The following KANTR variants were observed in gnomAD, a reference collection of about 807,000 sequenced individuals.
KANTR encodes KDM5C adjacent transcript.
downstream of KANTR, among the ~76,000 whole-genome samples, chrX:53,131,620 C>T (rs1933361953): frequency 8.9e-6 from 1 of 112,001 alleles, no homozygotes; most frequent in Non-Finnish European, 1.9e-5. Flanking sequence ...TAGAAGGGAA[C>T]TTCTTCAACC....
chrX:53,145,038 C>T (rs782171916), downstream of KANTR, among the ~76,000 whole-genome samples: 3 of 110,942 alleles, frequency 2.7e-5, no homozygotes, highest in South Asian at 7.7e-4. Context: ...CCAAGATGGC[C>T]GAATAGGAAC....
exon 3 of KANTR, chrX:53,124,436 C>T (rs1556815953): frequency 1.0e-5 from 3 of 294,626 alleles, no homozygotes; most frequent in Non-Finnish European, 1.8e-5. Context: ...TCTTTAATTT[C>T]TGCTCTTATC....
intron 2 of KANTR, among the ~76,000 whole-genome samples, chrX:53,132,881 T>G (rs1332103124): frequency 2.7e-5 from 3 of 111,815 alleles, no homozygotes; most frequent in African/African-American, 9.8e-5. Context: ...CTTCAACACG[T>G]AGCACTGAGT....
At chrX:53,101,720 G>A (rs1404144640) in intron 2 of KANTR, among the ~76,000 whole-genome samples, 1 of 111,542 alleles carries the variant, frequency 9.0e-6, no homozygotes, top group Non-Finnish European at 1.9e-5. Flanking sequence ...GATCTAGGCG[G>A]GGTGCGGTAG....
chrX:53,111,388 T>A (rs1483222596), intron 2 of KANTR, among the ~76,000 whole-genome samples: 1 of 111,403 alleles, frequency 9.0e-6, no homozygotes, highest in Non-Finnish European at 1.9e-5. Context: ...TAAAAAACTC[T>A]ACACTTTGGC....
At chrX:53,098,997 C>A (rs1932867913) in intron 1 of KANTR, among the ~76,000 whole-genome samples, 1 of 111,137 alleles carries the variant, frequency 9.0e-6, no homozygotes, top group East Asian at 2.9e-4. Flanking sequence ...GTAGCTGGGA[C>A]CACAGGCATG....
downstream of KANTR, among the ~76,000 whole-genome samples, chrX:53,131,251 T>A (rs1369072429): frequency 9.0e-6 from 1 of 111,332 alleles, no homozygotes; most frequent in East Asian, 2.8e-4. Context: ...AGACACAGTC[T>A]AGAGGATATG....
rs34127394 is a variant in KANTR at position 53,142,316 on chromosome X, G to GTTT, written n.687_689dup. On this transcript the variant is annotated non_coding_transcript_exon_variant, in exon 3 of 3. Coordinates refer to the KANTR transcript ENST00000366185. ...GCTTCAAGGACAACTTTCTGTGTATGTTTTTTTTTTTTTTTTTGAGACGTA... is the reference window on the plus strand; with the variant it reads ...GCTTCAAGGACAACTTTCTGTGTATGTTTTTTTTTTTTTTTTTTTTGAGACGTA... 65 of 95,062 alleles carry GTTT rather than the reference G, an allele frequency of 6.8e-4. 6 individuals are homozygous for GTTT. The highest frequency in any genetic ancestry group is 9.9e-4 in the South Asian group (2 of 2,013). The allele number at this position is 95,062 out of a possible 1,213,427, so 7.8% of individuals were successfully genotyped here. A position where few individuals can be genotyped will look rare whatever the true frequency, so the allele number is the denominator to read the frequency against.
intron 2 of KANTR, among the ~76,000 whole-genome samples, chrX:53,108,295 G>A (rs1473343811): frequency 9.2e-5 from 10 of 108,761 alleles, no homozygotes; most frequent in Admixed American, 4.0e-4. Context: ...TCCACCTCCC[G>A]GGTTCAAGCA....
At chrX:53,106,503 A>G (rs900272835) in intron 2 of KANTR, among the ~76,000 whole-genome samples, 3 of 109,586 alleles carry the variant, frequency 2.7e-5, no homozygotes, top group Non-Finnish European at 5.7e-5. Flanking sequence ...CTTAGGCTCA[A>G]GTGATCCCCC....
intron 2 of KANTR, among the ~76,000 whole-genome samples, chrX:53,109,685 G>A (rs1193993310): frequency 1.8e-5 from 2 of 111,571 alleles, no homozygotes; most frequent in Admixed American, 9.5e-5. Flanking sequence ...AAGTGCTACT[G>A]ATTTTTGTAT....
downstream of KANTR, among the ~76,000 whole-genome samples, chrX:53,129,065 CTTTTT>C (rs10550250): frequency 1.8e-5 from 1 of 55,490 alleles, no homozygotes. Flanking sequence ...TCTTCTTCTT[CTTTTT>C]TTTTTTTTTT....
In KANTR at chrX:53,136,971, C is replaced by T. The variant is rs1190543924; in HGVS notation, n.204-4877C>T. ...CCCAGGCTGGTCTCAAACTCCTGGGCTCCAGCAATCCTCCTGCTTCAGCCT... is the reference window on the plus strand; with the variant it reads ...CCCAGGCTGGTCTCAAACTCCTGGGTTCCAGCAATCCTCCTGCTTCAGCCT... On this transcript the variant is annotated intron_variant and non_coding_transcript_variant, in intron 2 of 2. Coordinates refer to the KANTR transcript ENST00000366185. Among the ~76,000 whole-genome samples the T allele has an allele frequency of 1.3e-4, 14 of 106,272 alleles. No individual in the cohort carries two copies. In the Admixed American group the frequency reaches 1.5e-3, roughly 11 times the overall value. 92.3% of individuals were successfully genotyped at this position (106,272 alleles called of 115,157 possible).
chrX:53,103,194 T>C (rs1443049995), intron 2 of KANTR, among the ~76,000 whole-genome samples: 1 of 110,265 alleles, frequency 9.1e-6, no homozygotes, highest in Non-Finnish European at 1.9e-5. Context: ...CAGGCTGGTC[T>C]CGAACTCCTG....
exon 2 of KANTR, chrX:53,099,598 C>G (rs1354929116): frequency 8.9e-6 from 1 of 111,885 alleles, no homozygotes; most frequent in African/African-American, 3.3e-5. Flanking sequence ...TTCTTAATGG[C>G]ATCTAGAATG....
chrX:53,101,107 C>A (rs1556811774), intron 2 of KANTR, among the ~76,000 whole-genome samples: 2 of 112,830 alleles, frequency 1.8e-5, no homozygotes, highest in African/African-American at 6.4e-5. Context: ...CCCAAACTTT[C>A]TCCATATCCA....
chrX:53,119,800 GC>G (rs1302848257), intron 2 of KANTR, among the ~76,000 whole-genome samples: 3 of 108,694 alleles, frequency 2.8e-5, no homozygotes, highest in African/African-American at 1.0e-4. Flanking sequence ...GCTCATAGCA[GC>G]CTTGACCTTC....
chrX:53,112,661 C>T (rs1272553451), intron 2 of KANTR, among the ~76,000 whole-genome samples: 1 of 110,617 alleles, frequency 9.0e-6, no homozygotes, highest in African/African-American at 3.3e-5. Context: ...TTCAAGGATC[C>T]TCTGCTTGTC....
At chrX:53,144,095 ATTAC>A (rs1476242224), downstream of KANTR, among the ~76,000 whole-genome samples, 2 of 112,063 alleles carry the variant, frequency 1.8e-5, no homozygotes, top group Non-Finnish European at 3.8e-5. Context: ...TAACAATAGA[ATTAC>A]TTAATTAAAT....
Sources: allele counts gnomAD v4.1 joint callset (sites outside exome capture counted in the v4.1 genomes callset), GRCh38; gene constraint gnomAD v4.1.1; transcripts MANE v1.5; gene names NCBI Gene and HGNC (gene_info 2026-07-23, HGNC 2026-07-21).